The following MGAT5 variants were observed in gnomAD, a reference collection of about 807,000 sequenced individuals.
MGAT5 encodes the protein alpha-1,6-mannosylglycoprotein 6-beta-N-acetylglucosaminyltransferase, also known as alpha-1,6-mannosylglycoprotein 6-beta-N-acetylglucosaminyltransferase A.
Under a neutral mutation model 94.3 loss-of-function variants are expected in MGAT5, and 30 were observed. That is an observed-to-expected ratio of 0.32 (90% confidence interval 0.24 to 0.43). The LOEUF (loss-of-function observed/expected upper bound fraction) is 0.43, where lower values mean the gene tolerates loss of function less well. MGAT5 is among the 20% of genes least tolerant of loss of function. MGAT5 has a pLI of 1.00. For synonymous variants in MGAT5, 310 were observed against 322.9 expected, an observed-to-expected ratio of 0.96 and a Z score of 0.43; for missense variants, 691 against 905.5, an observed-to-expected ratio of 0.76 and a Z score of 3.04.
intron 1 of MGAT5, among the ~76,000 whole-genome samples, chr2:134,262,412 C>G (rs755431371): frequency 5.3e-5 from 8 of 152,124 alleles, no homozygotes; most frequent in Middle Eastern, 3.4e-3. Context: ...TAATTTAAAA[C>G]AAAAGTTTTT....
At chr2:134,132,175 A>G (rs1686206164) in intron 1 of MGAT5, among the ~76,000 whole-genome samples, 2 of 152,230 alleles carry the variant, frequency 1.3e-5, no homozygotes, top group South Asian at 4.1e-4. Flanking sequence ...GTTACTTGTA[A>G]CTAATATTCT....
upstream of MGAT5, among the ~76,000 whole-genome samples, chr2:134,251,060 C>T (rs1030817327): frequency 6.6e-6 from 1 of 152,142 alleles, no homozygotes; most frequent in East Asian, 1.9e-4. Flanking sequence ...CAGCTAATTC[C>T]TACCAGTGAT....
At chr2:134,363,463 C>G (rs1477113805) in intron 10 of MGAT5, among the ~76,000 whole-genome samples, 1 of 152,246 alleles carries the variant, frequency 6.6e-6, no homozygotes, top group African/African-American at 2.4e-5. Flanking sequence ...TTGTCTTAAA[C>G]AGCTAGACCT....
chr2:134,199,049 A>G (rs904701363), intron 1 of MGAT5, among the ~76,000 whole-genome samples: 1 of 152,242 alleles, frequency 6.6e-6, no homozygotes, highest in Non-Finnish European at 1.5e-5. Flanking sequence ...GAAATGCTGC[A>G]TTTCCATTTC....
At chr2:134,185,886 C>T (rs1013351251) in intron 1 of MGAT5, among the ~76,000 whole-genome samples, 5 of 152,110 alleles carry the variant, frequency 3.3e-5, no homozygotes, top group African/African-American at 9.7e-5. Context: ...GTTCTGTTTC[C>T]CCGAGTCCAA....
intron 1 of MGAT5, among the ~76,000 whole-genome samples, chr2:134,265,458 A>G (rs137892487): frequency 2.0e-5 from 3 of 152,178 alleles, no homozygotes; most frequent in Non-Finnish European, 4.4e-5. Flanking sequence ...TGAAAACTTA[A>G]CAGAAGCTGT....
At position 134,126,754 on chromosome 2, in the gene MGAT5, G is replaced by A. The variant is rs144694704; in HGVS notation, c.-143+6463G>A. Among the ~76,000 whole-genome samples, 8 of 152,288 alleles carry A rather than the reference G, an allele frequency of 5.3e-5. No homozygotes were observed. The East Asian group carries it at 1.2e-3, about 22-fold the overall frequency. ...GGCTCATAGCCTTCTGTGGTTCCTC[G>A]CACAGTGCCCTGGGGACGTGGCTAG... On this transcript the variant is annotated intron_variant, in intron 1 of 16. Transcript: ENST00000409645.
At chr2:134,284,235 C>G (rs1369532380) in intron 2 of MGAT5, among the ~76,000 whole-genome samples, 1 of 152,176 alleles carries the variant, frequency 6.6e-6, no homozygotes, top group African/African-American at 2.4e-5. Context: ...TACTGTTGAA[C>G]TTTAGTGGGC....
chr2:134,236,459 A>G (rs1270031685), intron 1 of MGAT5, among the ~76,000 whole-genome samples: 2 of 152,114 alleles, frequency 1.3e-5, no homozygotes, highest in African/African-American at 4.8e-5. Context: ...CGTGGGAGGT[A>G]ATTTAATCAC....
chr2:134,344,216 G>T (rs902444596), intron 7 of MGAT5, among the ~76,000 whole-genome samples: 2 of 152,164 alleles, frequency 1.3e-5, no homozygotes, highest in Non-Finnish European at 2.9e-5. Flanking sequence ...ACATCGTCAC[G>T]CTCTGAGCGC....
At chr2:134,436,878 T>TG (rs1233211241) in intron 14 of MGAT5, among the ~76,000 whole-genome samples, 7 of 152,174 alleles carry the variant, frequency 4.6e-5, no homozygotes, top group African/African-American at 1.7e-4. Context: ...AGCACCACAG[T>TG]GGTGGGGCAA....
chr2:134,368,172 A>G (rs75425613), intron 10 of MGAT5, among the ~76,000 whole-genome samples: 7,870 of 152,292 alleles, frequency 0.052, 269 homozygotes, highest in South Asian at 0.086. Context: ...CTGTGGTTAC[A>G]GCAGGATTCT....
chr2:134,366,169 A>G (rs1285610569), intron 10 of MGAT5, among the ~76,000 whole-genome samples: 1 of 152,204 alleles, frequency 6.6e-6, no homozygotes, highest in African/African-American at 2.4e-5. Flanking sequence ...CGCTCCTGCT[A>G]ACACTAGAGA....
chr2:134,334,889 G>A (rs1172074667), intron 4 of MGAT5, among the ~76,000 whole-genome samples: 1 of 152,004 alleles, frequency 6.6e-6, no homozygotes, highest in Non-Finnish European at 1.5e-5. Context: ...TTCCTTGTGG[G>A]GAATCCTTTT....
intron 1 of MGAT5, among the ~76,000 whole-genome samples, chr2:134,149,760 G>C (rs1687088723): frequency 6.6e-6 from 1 of 152,214 alleles, no homozygotes; most frequent in Non-Finnish European, 1.5e-5. Context: ...AATAATTATA[G>C]AGGTTGAGGG....
chr2:134,244,327 T>A (rs1048748611), intron 1 of MGAT5, among the ~76,000 whole-genome samples: 2 of 152,048 alleles, frequency 1.3e-5, no homozygotes, highest in Non-Finnish European at 2.9e-5. Flanking sequence ...AATGGCTGTC[T>A]GATGAAGCAT....
chr2:134,373,256 T>TCTCACATAGTGACCCAGGGGC (rs1680934952), intron 10 of MGAT5, among the ~76,000 whole-genome samples: 1 of 152,170 alleles, frequency 6.6e-6, no homozygotes, highest in East Asian at 1.9e-4. Flanking sequence ...GGAGGCAGCG[T>TCTCACATAGTGACCCAGGGGC]CTCACATAGT....
intron 4 of MGAT5, among the ~76,000 whole-genome samples, chr2:134,327,433 TA>T (rs1687705958): frequency 6.6e-6 from 1 of 152,058 alleles, no homozygotes; most frequent in Non-Finnish European, 1.5e-5. Flanking sequence ...AATGAGGGTT[TA>T]TTGAACACAG....
intron 1 of MGAT5, among the ~76,000 whole-genome samples, chr2:134,158,833 C>G (rs76493102): frequency 0.02 from 3,030 of 152,300 alleles, 104 homozygotes; most frequent in African/African-American, 0.069. Flanking sequence ...TACCCCTTCT[C>G]TTCCCCTTTA....
Sources: allele counts gnomAD v4.1 joint callset (sites outside exome capture counted in the v4.1 genomes callset), GRCh38; gene constraint gnomAD v4.1.1; transcripts MANE v1.5; gene names NCBI Gene and HGNC (gene_info 2026-07-23, HGNC 2026-07-21).